Variants in TNFSF4 observed in about 807,000 individuals in gnomAD.
TNFSF4 encodes TNF superfamily member 4, also known as tumor necrosis factor ligand superfamily member 4.
Under a neutral mutation model 7.3 loss-of-function variants are expected in TNFSF4, and 4 were observed. That is an observed-to-expected ratio of 0.55 (90% CI 0.27 to 1.25). TNFSF4 has a LOEUF of 1.25. TNFSF4 is among the 50% of genes most tolerant of loss of function. The pLI is 0.12. For missense variants in TNFSF4, 181 were observed against 208.8 expected (o/e 0.87, Z 0.82); for synonymous variants, 76 against 83.7 (o/e 0.91, Z 0.50).
At chr1:173,420,390 A>AC in the TNFSF4 span, among the ~76,000 whole-genome samples, 2 of 152,182 alleles carry the variant, frequency 1.3e-5, no homozygotes, top group Non-Finnish European at 2.9e-5. Context: ...GAGATTGAGA[A>AC]CTGAGGGAAA....
At chr1:173,353,103 A>T in the TNFSF4 span, among the ~76,000 whole-genome samples, 13 of 152,148 alleles carry the variant, frequency 8.5e-5, no homozygotes, top group Non-Finnish European at 1.8e-4. Context: ...TTGTTCAAAA[A>T]CACACGCTTT....
chr1:173,408,779 G>A, the TNFSF4 span, among the ~76,000 whole-genome samples: 2,970 of 152,040 alleles, frequency 0.02, 45 homozygotes, highest in East Asian at 0.055. Context: ...GTAGAGACGG[G>A]GGGTTTCACC....
At chr1:173,429,667 G>C in the TNFSF4 span, among the ~76,000 whole-genome samples, 1 of 152,228 alleles carries the variant, frequency 6.6e-6, no homozygotes. Context: ...TGTGCCTGCC[G>C]CGTGGTGGCG....
At chr1:173,341,927 C>G in the TNFSF4 span, among the ~76,000 whole-genome samples, 2 of 152,160 alleles carry the variant, frequency 1.3e-5, no homozygotes, top group Non-Finnish European at 2.9e-5. Context: ...GTCTCAATGG[C>G]TCCAAGTACC....
At position 173,207,275 on chromosome 1, in the gene TNFSF4, A is replaced by C; in HGVS notation, c.-99T>G. Reference sequence around the variant, plus strand: ...GAAAGAAGGAGGTAAAGACAAAACAAAGCCTATCAATCAGAAAATAGGCAA... The same window carrying C: ...GAAAGAAGGAGGTAAAGACAAAACACAGCCTATCAATCAGAAAATAGGCAA... On this transcript the variant is annotated 5_prime_UTR_variant, in exon 1 of 3. Transcript: ENST00000281834. 1 of 1,193,130 alleles carries C rather than the reference A, an allele frequency of 8.4e-7. No individual in the cohort carries two copies. The highest frequency in any genetic ancestry group is 1.2e-6 in the Non-Finnish European group (1 of 851,800). 73.9% of individuals were successfully genotyped at this position (1,193,130 alleles called of 1,614,324 possible).
At chr1:173,269,910 T>C in the TNFSF4 span, among the ~76,000 whole-genome samples, 1 of 152,032 alleles carries the variant, frequency 6.6e-6, no homozygotes, top group Non-Finnish European at 1.5e-5. Flanking sequence ...TTGGAAGGGC[T>C]GTGATGGGAA....
At chr1:173,399,621 A>G in the TNFSF4 span, among the ~76,000 whole-genome samples, 1 of 152,174 alleles carries the variant, frequency 6.6e-6, no homozygotes, top group African/African-American at 2.4e-5. Flanking sequence ...AAAAAAAAAA[A>G]AGTGAACATA....
chr1:173,265,968 T>C, the TNFSF4 span, among the ~76,000 whole-genome samples: 1 of 152,196 alleles, frequency 6.6e-6, no homozygotes, highest in African/African-American at 2.4e-5. Flanking sequence ...TTAATGCTTA[T>C]GGAGTGATAT....
chr1:173,225,463 C>T, the TNFSF4 span, among the ~76,000 whole-genome samples: 4 of 152,170 alleles, frequency 2.6e-5, no homozygotes, highest in African/African-American at 9.7e-5. Flanking sequence ...CGTGTGTATG[C>T]TTGGCTTTGC....
chr1:173,446,201 T>A, the TNFSF4 span, among the ~76,000 whole-genome samples: 1 of 150,704 alleles, frequency 6.6e-6, no homozygotes, highest in East Asian at 1.9e-4. Flanking sequence ...CTCCACAAAG[T>A]AAAGATAAAC....
At chr1:173,399,528 C>G in the TNFSF4 span, among the ~76,000 whole-genome samples, 2 of 151,352 alleles carry the variant, frequency 1.3e-5, no homozygotes, top group African/African-American at 2.4e-5. Flanking sequence ...TGGAAGGTCA[C>G]TGACTTGGAA....
At chr1:173,362,835 T>C in the TNFSF4 span, 2 of 438,850 alleles carry the variant, frequency 4.6e-6, no homozygotes, top group Non-Finnish European at 4.5e-6. Flanking sequence ...CAAGACAAGC[T>C]GAACATTGGC....
chr1:173,197,991 C>A (rs1481972587), intron 1 of TNFSF4, among the ~76,000 whole-genome samples: 1 of 151,976 alleles, frequency 6.6e-6, no homozygotes, highest in African/African-American at 2.4e-5. Context: ...GTGCACATTA[C>A]CAGTTGCATA....
the TNFSF4 span, among the ~76,000 whole-genome samples, chr1:173,338,884 C>T: frequency 6.6e-6 from 1 of 152,186 alleles, no homozygotes; most frequent in African/African-American, 2.4e-5. Flanking sequence ...ACAGTGCTGG[C>T]TGGGGTGATT....
chr1:173,194,342 C>A (rs1174830578), intron 1 of TNFSF4, among the ~76,000 whole-genome samples: 11 of 152,230 alleles, frequency 7.2e-5, no homozygotes, highest in Admixed American at 2.0e-4. Flanking sequence ...ACAATCCTTA[C>A]TTTTGATGAA....
the TNFSF4 span, among the ~76,000 whole-genome samples, chr1:173,393,323 C>T: frequency 1.3e-5 from 2 of 152,222 alleles, no homozygotes; most frequent in Admixed American, 1.3e-4. Context: ...CATTTTCTCA[C>T]CCTCACTCAA....
the TNFSF4 span, among the ~76,000 whole-genome samples, chr1:173,447,213 T>C: frequency 2.4e-3 from 370 of 152,234 alleles, 1 homozygote; most frequent in African/African-American, 8.4e-3. Flanking sequence ...AAAAAGTCAG[T>C]GATTGCCAGA....
chr1:173,345,589 A>G, the TNFSF4 span, among the ~76,000 whole-genome samples: 2 of 152,240 alleles, frequency 1.3e-5, no homozygotes, highest in African/African-American at 4.8e-5. Context: ...GGCCAGGATG[A>G]TCAGACATTG....
At chr1:173,343,661 A>G in the TNFSF4 span, among the ~76,000 whole-genome samples, 1 of 152,212 alleles carries the variant, frequency 6.6e-6, no homozygotes, top group East Asian at 1.9e-4. Flanking sequence ...TCATACTCTC[A>G]TGGCATTCTA....
Sources: gnomAD v4.1 joint callset for allele counts (sites outside exome capture counted in the v4.1 genomes callset) on GRCh38, gnomAD v4.1.1 for gene constraint, MANE v1.5 for transcripts, NCBI Gene and HGNC (gene_info 2026-07-23, HGNC 2026-07-21) for gene names.